Variants in LINGO2 observed in about 807,000 individuals in gnomAD.
LINGO2 encodes the protein leucine rich repeat and Ig domain containing 2.
In LINGO2, 14 loss-of-function variants were observed where a neutral mutation model predicts 30.6. The ratio of observed to expected loss-of-function variants is 0.46; its 90% confidence interval spans 0.30 to 0.72. The LOEUF is 0.72. Among genes scored for constraint, LINGO2 ranks in the 30% least tolerant of loss-of-function variants. The pLI is 0.07. For missense variants in LINGO2, 729 were observed against 751.7 expected (o/e 0.97, Z 0.35); for synonymous variants, 317 against 288.5 (o/e 1.10, Z -1.00).
chr9:29,022,584 A>G, the LINGO2 span, among the ~76,000 whole-genome samples: 4 of 152,090 alleles, frequency 2.6e-5, no homozygotes, highest in African/African-American at 9.7e-5. Flanking sequence ...AAACACATGT[A>G]AAAAACAAGT....
the LINGO2 span, among the ~76,000 whole-genome samples, chr9:28,784,727 G>A: frequency 8.1e-4 from 123 of 152,250 alleles, 1 homozygote; most frequent in African/African-American, 2.8e-3. Context: ...GCCGAGGTGC[G>A]TGGATCATGA....
intron 1 of LINGO2, among the ~76,000 whole-genome samples, chr9:28,625,892 T>G (rs896728020): frequency 6.6e-6 from 1 of 152,034 alleles, no homozygotes; most frequent in East Asian, 1.9e-4. Flanking sequence ...TTAAAAAATA[T>G]ATATCTACAC....
chr9:29,063,155 A>G, the LINGO2 span, among the ~76,000 whole-genome samples: 2 of 126,610 alleles, frequency 1.6e-5, no homozygotes, highest in East Asian at 5.7e-4. Context: ...AACACAGAGG[A>G]CATTTAGTCC....
the LINGO2 span, among the ~76,000 whole-genome samples, chr9:28,810,009 C>G: frequency 6.6e-6 from 1 of 152,232 alleles, no homozygotes; most frequent in South Asian, 2.1e-4. Flanking sequence ...TACCTAAAAT[C>G]TTTGCTTTGG....
intron 4 of LINGO2, among the ~76,000 whole-genome samples, chr9:28,060,211 A>G (rs1825100196): frequency 6.6e-6 from 1 of 152,132 alleles, no homozygotes; most frequent in African/African-American, 2.4e-5. Context: ...TTCCAATAGC[A>G]TCTCCTGGGA....
intron 1 of LINGO2, among the ~76,000 whole-genome samples, chr9:28,583,621 T>C (rs1824379143): frequency 2.0e-5 from 3 of 152,060 alleles, no homozygotes; most frequent in South Asian, 4.1e-4. Context: ...CTTTTATGAA[T>C]TGATGGACAT....
At chr9:28,424,954 A>G (rs1171538972) in intron 2 of LINGO2, among the ~76,000 whole-genome samples, 1 of 152,012 alleles carries the variant, frequency 6.6e-6, no homozygotes, top group Non-Finnish European at 1.5e-5. Context: ...TCTTCTGTAA[A>G]ATAAGGATAG....
At chr9:28,033,817 G>T (rs1214711780) in intron 4 of LINGO2, among the ~76,000 whole-genome samples, 2 of 152,202 alleles carry the variant, frequency 1.3e-5, no homozygotes, top group South Asian at 4.1e-4. Flanking sequence ...GTGAGAGTTT[G>T]AAGTGAATGC....
At chr9:28,670,149 T>C (rs1163457437) in intron 1 of LINGO2, 51 bp downstream of exon 3, 1 of 152,066 alleles carries the variant, frequency 6.6e-6, no homozygotes, top group Non-Finnish European at 1.5e-5. Flanking sequence ...AAATAAAAAA[T>C]CCTATTTCAT....
chr9:27,976,782 C>T (rs933637518), intron 5 of LINGO2, among the ~76,000 whole-genome samples: 10 of 152,036 alleles, frequency 6.6e-5, no homozygotes, highest in Non-Finnish European at 1.2e-4. Flanking sequence ...TAAGAAAGCA[C>T]AAAATAAATG....
At chr9:28,204,231 C>T (rs1157184116) in intron 4 of LINGO2, among the ~76,000 whole-genome samples, 1 of 152,096 alleles carries the variant, frequency 6.6e-6, no homozygotes, top group African/African-American at 2.4e-5. Context: ...TGTACATATA[C>T]ATACACACAC....
intron 2 of LINGO2, among the ~76,000 whole-genome samples, chr9:28,378,558 C>T (rs574981744): frequency 1.3e-5 from 2 of 152,236 alleles, no homozygotes; most frequent in Admixed American, 6.5e-5. Flanking sequence ...AAGATTCTTC[C>T]AGACTTCCAG....
the LINGO2 span, among the ~76,000 whole-genome samples, chr9:28,982,683 C>G: frequency 6.6e-6 from 1 of 151,562 alleles, no homozygotes; most frequent in Non-Finnish European, 1.5e-5. Context: ...CCTTATTATA[C>G]CAAAATATAG....
chr9:28,194,790 C>G (rs1819951615), intron 4 of LINGO2, among the ~76,000 whole-genome samples: 1 of 151,844 alleles, frequency 6.6e-6, no homozygotes, highest in Non-Finnish European at 1.5e-5. Flanking sequence ...AATAATTTAA[C>G]TTAAGTTTAT....
chr9:28,991,685 G>T, the LINGO2 span, among the ~76,000 whole-genome samples: 1 of 151,274 alleles, frequency 6.6e-6, no homozygotes, highest in African/African-American at 2.4e-5. Flanking sequence ...AACTCTACAA[G>T]CCAGAAGAGA....
At chr9:28,851,910 A>T in the LINGO2 span, among the ~76,000 whole-genome samples, 11 of 151,888 alleles carry the variant, frequency 7.2e-5, no homozygotes, top group African/African-American at 2.7e-4. Context: ...ACATTTGGAG[A>T]TAACACTAAA....
intron 1 of LINGO2, among the ~76,000 whole-genome samples, chr9:28,478,388 A>G (rs931777972): frequency 6.6e-6 from 1 of 151,944 alleles, no homozygotes; most frequent in Non-Finnish European, 1.5e-5. Context: ...AACAAATATG[A>G]GTTACATGGA....
chr9:29,073,921 C>A, the LINGO2 span, among the ~76,000 whole-genome samples: 1 of 152,098 alleles, frequency 6.6e-6, no homozygotes, highest in African/African-American at 2.4e-5. Context: ...ATACCCTGTT[C>A]TTAGTACAGA....
At chr9:28,214,591 C>T (rs1014989134) in intron 4 of LINGO2, among the ~76,000 whole-genome samples, 3 of 151,490 alleles carry the variant, frequency 2.0e-5, no homozygotes, top group African/African-American at 7.3e-5. Flanking sequence ...TTTTCTTTCC[C>T]ATTAGCCTGT....
Sources: gnomAD v4.1 joint callset for allele counts (sites outside exome capture counted in the v4.1 genomes callset) on GRCh38, gnomAD v4.1.1 for gene constraint, MANE v1.5 for transcripts, NCBI Gene and HGNC (gene_info 2026-07-23, HGNC 2026-07-21) for gene names.